CNPY4: variants seen among roughly 807,000 people sequenced by gnomAD.
CNPY4 encodes canopy FGF signaling regulator 4.
CNPY4 carries 33 observed loss-of-function variants against 30.1 expected under a neutral mutation model. That is an observed-to-expected ratio of 1.10 (90% CI 0.83 to 1.46). The LOEUF (loss-of-function observed/expected upper bound fraction) is 1.46. Among genes scored for constraint, CNPY4 ranks in the 40% most tolerant of loss-of-function variants. CNPY4 has a pLI of 0.00. For synonymous variants in CNPY4, 109 were observed against 110.1 expected (o/e 0.99, Z 0.06); for missense variants, 324 against 302.6 (o/e 1.07, Z -0.52).
intron 1 of CNPY4, chr7:100,121,140 T>A: frequency 1.8e-5 from 2 of 109,326 alleles, no homozygotes; most frequent in African/African-American, 6.9e-5. Context: ...TTTTTTTTTT[T>A]TTTTTTTTTT....
chr7:100,122,416 C>A (rs182207201), intron 2 of CNPY4, 31 bp downstream of exon 2: 29 of 1,614,058 alleles, frequency 1.8e-5, no homozygotes, highest in Non-Finnish European at 2.3e-5. Context: ...CCCTTTCCAA[C>A]CCCCAACGGA....
Position 100,119,896 on chromosome 7 carries a change from C to A in CNPY4, c.118+34C>A. ...AGGGGGTAGCCCCTATAGGCATCGCCCGGCCACACCTCCTTCTTCTAGGCC... is the reference window on the plus strand; with the variant it reads ...AGGGGGTAGCCCCTATAGGCATCGCACGGCCACACCTCCTTCTTCTAGGCC... On this transcript the variant is annotated intron_variant, in intron 1 of 5. Transcript: ENST00000262932. The A allele has an allele frequency of 1.3e-6, 2 of 1,549,612 alleles. 1 individual carries two copies. Among genetic ancestry groups the A allele is most frequent in the African/African-American group, 2.8e-5 (2 of 72,448 alleles).
chr7:100,121,822 G>A (rs928028350), intron 1 of CNPY4, among the ~76,000 whole-genome samples: 17 of 151,264 alleles, frequency 1.1e-4, no homozygotes, highest in South Asian at 2.1e-4. Flanking sequence ...AGGCCAAGGC[G>A]GGCGGATCAC....
intron 1 of CNPY4, chr7:100,121,150 T>TC (rs1798053479): frequency 1.0e-5 from 1 of 95,990 alleles, no homozygotes; most frequent in Non-Finnish European, 2.2e-5. Context: ...TTTTTTTTTT[T>TC]CTCTTTTCAG....
rs1183430186 is a variant in CNPY4 at position 100,124,649 on chromosome 7, ACT to A, written c.583+20_583+21del. 6.2e-7 allele frequency: 1 copy of A among 1,610,124 alleles called. No homozygotes were observed. The highest frequency in any genetic ancestry group is 1.7e-5 in the Admixed American group (1 of 59,686). The stretch of plus-strand genomic sequence containing the variant: ...TGAAACTGGTAAGCGTAAGGGTTGA[ACT>A]CCTCTCCTGCCAAGCCATAGCCTCC... On this transcript the variant is annotated intron_variant, in intron 5 of 5. Coordinates refer to ENST00000262932, the MANE Select transcript of CNPY4 (RefSeq NM_152755.2).
intron 1 of CNPY4, among the ~76,000 whole-genome samples, chr7:100,120,918 T>A (rs977024795): frequency 6.6e-6 from 1 of 151,850 alleles, no homozygotes; most frequent in Non-Finnish European, 1.5e-5. Context: ...ATAGGTCTTA[T>A]TGCTGTCTAT....
chr7:100,123,291 A>G (rs916354651), intron 4 of CNPY4, among the ~76,000 whole-genome samples: 3 of 152,018 alleles, frequency 2.0e-5, no homozygotes, highest in African/African-American at 2.4e-5. Flanking sequence ...GCCATGAGCC[A>G]AGATCGCACC....
At position 100,119,922 on chromosome 7, in the gene CNPY4, G is replaced by C. The variant is rs868115186; in HGVS notation, c.118+60G>C. 6.8e-6 allele frequency: 10 copies of C among 1,477,628 alleles called. No homozygotes were observed. In the South Asian group the frequency reaches 9.0e-5, roughly 13 times the overall value. 91.5% of individuals were successfully genotyped at this position (1,477,628 alleles called of 1,614,324 possible). ...CGGCCACACCTCCTTCTTCTAGGCCGGACATCCTAGCCTGTATTGGGTGGG... is the reference window on the plus strand; with the variant it reads ...CGGCCACACCTCCTTCTTCTAGGCCCGACATCCTAGCCTGTATTGGGTGGG... On this transcript the variant is annotated intron_variant, in intron 1 of 5. Transcript: ENST00000262932.
chr7:100,122,153 C>T, intron 1 of CNPY4, 106 bp from the exon 2 acceptor site: 1 of 1,430,376 alleles, frequency 7.0e-7, no homozygotes, highest in Non-Finnish European at 9.6e-7. Context: ...GCCAGTCTGG[C>T]TCCATAGTCT....
rs766607442 is a variant in CNPY4, at chr7:100,124,536, T to C, written c.488T>C (p.Phe163Ser). 9.3e-6 allele frequency: 15 copies of C among 1,612,760 alleles called. No individual in the cohort carries two copies. Among genetic ancestry groups the C allele is most frequent in the Admixed American group, 3.4e-5 (2 of 59,688 alleles). Residue 163 changes from phenylalanine (F) to serine (S), a missense_variant, in exon 5 of 6, where the codon TTT becomes TCT. Transcript: ENST00000262932. ...KKQCETMLEE[F>S]EDIVGDWYFH... ...CAGTGTGAGACCATGTTGGAGGAGT[T>C]TGAAGACATTGTGGGAGACTGGTAC... is the stretch of plus-strand genomic sequence containing the variant.
intron 1 of CNPY4, among the ~76,000 whole-genome samples, chr7:100,121,667 ACTC>A (rs946177866): frequency 4.9e-5 from 7 of 143,404 alleles, no homozygotes; most frequent in East Asian, 4.4e-4. Flanking sequence ...CTGGTCTTGA[ACTC>A]CTCAAGTGAT....
At chr7:100,121,378 C>G (rs1798065042) in intron 1 of CNPY4, 1 of 151,430 alleles carries the variant, frequency 6.6e-6, no homozygotes, top group Non-Finnish European at 1.5e-5. Flanking sequence ...ACCTCGTGAT[C>G]CACCCACCTC....
intron 4 of CNPY4, among the ~76,000 whole-genome samples, chr7:100,123,907 G>A (rs1340271777): frequency 1.3e-5 from 2 of 152,126 alleles, no homozygotes; most frequent in Admixed American, 6.5e-5. Flanking sequence ...GAGACAGGCG[G>A]ATCACGACAT....
At chr7:100,124,163 G>A (rs905826514) in intron 4 of CNPY4, among the ~76,000 whole-genome samples, 1 of 151,370 alleles carries the variant, frequency 6.6e-6, no homozygotes, top group African/African-American at 2.4e-5. Context: ...AACAATGGTT[G>A]CTAATGATAT....
At chr7:100,122,126 G>C in intron 1 of CNPY4, 133 bp from the exon 2 acceptor site, 1 of 1,086,168 alleles carries the variant, frequency 9.2e-7, no homozygotes, top group Non-Finnish European at 1.3e-6. Flanking sequence ...AAATGGCTGA[G>C]CCAGGATTCC....
At position 100,124,550 on chromosome 7, in the gene CNPY4, G is replaced by A. The variant is rs60551236; in HGVS notation, c.502G>A (p.Gly168Arg). The change falls in exon 5 of 6, where the codon GGA becomes AGA. Residue 168 changes from glycine to arginine, a missense_variant. Gly to Arg is a moderately radical substitution (Grantham distance 125, BLOSUM62 -2). Transcript: ENST00000262932. ...TMLEEFEDIV[G>R]DWYFHHQEQP... ...GTTGGAGGAGTTTGAAGACATTGTG[G>A]GAGACTGGTACTTCCACCATCAGGA... The A allele has an allele frequency of 4.1e-3, 6,567 of 1,612,550 alleles. 239 individuals are homozygous for A. The African/African-American group carries it at 0.079, about 19-fold the overall frequency.
At chr7:100,121,283 C>A (rs1323585806) in intron 1 of CNPY4, 1 of 148,468 alleles carries the variant, frequency 6.7e-6, no homozygotes, top group Non-Finnish European at 1.5e-5. Context: ...GGATTACAGG[C>A]GCCCGCCACC....
rs1364106198 is a variant in CNPY4 at position 100,122,346 on chromosome 7, A to G, written c.206A>G (p.Asp69Gly). Residue 69 changes from aspartate (D) to glycine (G), a missense_variant, in exon 2 of 6, where the codon GAT becomes GGT. By Grantham distance (94) the Asp-to-Gly change is moderately conservative (BLOSUM62 -1). Transcript: ENST00000262932. ...GTGCTGGAGCTGGGGCAGGTGCTGGATACAGGCAAGAGGAAGAGACACGTG... is the reference window on the plus strand; with the variant it reads ...GTGCTGGAGCTGGGGCAGGTGCTGGGTACAGGCAAGAGGAAGAGACACGTG... ...REVLELGQVLDTGKRKRHVPY... is the reference protein window; with the variant it reads ...REVLELGQVLGTGKRKRHVPY... 1 of 1,613,976 alleles carries G rather than the reference A, an allele frequency of 6.2e-7. No homozygotes were observed. The highest frequency in any genetic ancestry group is 8.5e-7 in the Non-Finnish European group (1 of 1,180,018).
chr7:100,120,114 TGTA>T, intron 1 of CNPY4: 1 of 412,280 alleles, frequency 2.4e-6, no homozygotes, highest in East Asian at 4.7e-5. Context: ...TTGTGGGAAT[TGTA>T]GTTCAGGGAC....
Sources: gnomAD v4.1 joint callset for allele counts (sites outside exome capture counted in the v4.1 genomes callset) on GRCh38, gnomAD v4.1.1 for gene constraint, MANE v1.5 for transcripts, NCBI Gene and HGNC (gene_info 2026-07-23, HGNC 2026-07-21) for gene names.